Variants in SLC28A2 observed in about 807,000 individuals in gnomAD.
SLC28A2 encodes the protein solute carrier family 28 member 2.
SLC28A2 carries 69 observed loss-of-function variants against 72.9 expected under a neutral mutation model. The ratio of observed to expected loss-of-function variants is 0.95; its 90% CI spans 0.78 to 1.16. The LOEUF (loss-of-function observed/expected upper bound fraction) is 1.16. SLC28A2 is among the 50% of genes most tolerant of loss of function. The pLI, the probability that SLC28A2 is intolerant of heterozygous loss-of-function variation, is 0.00. For missense variants in SLC28A2, 745 were observed against 791.1 expected, an observed-to-expected ratio of 0.94 and a Z score of 0.70; for synonymous variants, 296 against 294.1, an observed-to-expected ratio of 1.01 and a Z score of -0.07.
chr15:45,269,363 C>G lies in SLC28A2; in HGVS notation c.1394C>G (p.Pro465Arg). Residue 465 changes from proline (P) to arginine (R), a missense_variant, in exon 14 of 18, where the codon CCC becomes CGC. Physicochemically the swap from Pro to Arg is moderately radical, Grantham distance 103. Coordinates refer to ENST00000347644, the MANE Select transcript of SLC28A2 (RefSeq NM_004212.4). ...GTCATCTGCTCCTATCTCCTAAGGC[C>G]CATGGTTTTCATGATGGGTGTAGAG... ...FQVICSYLLRPMVFMMGVEWT... is the reference protein window; with the variant it reads ...FQVICSYLLRRMVFMMGVEWT... The G allele has an allele frequency of 1.9e-6, 3 of 1,613,924 alleles. No individual in the cohort carries two copies. In the South Asian group the frequency reaches 3.3e-5, roughly 18 times the overall value.
chr15:45,275,464 T>C lies in SLC28A2; in HGVS notation c.1928T>C (p.Met643Thr), dbSNP rs1230058948. ...TGGGAAGATAAGGAGTTCAGTGCTA[T>C]GGCCCTTACTAACTGCTGTGGATTC... is the stretch of plus-strand genomic sequence containing the variant. ...GPWEDKEFSA[M>T]ALTNCCGFYN... Residue 643 changes from methionine to threonine, a missense_variant, in exon 18 of 18, where the codon ATG becomes ACG. Transcript: ENST00000347644. 2.5e-6 allele frequency: 4 copies of C among 1,613,430 alleles called. No individual in the cohort carries two copies. In the African/African-American group the frequency reaches 4.0e-5, roughly 16 times the overall value.
intron 3 of SLC28A2, among the ~76,000 whole-genome samples, chr15:45,256,976 C>G (rs1006510826): frequency 3.3e-5 from 5 of 152,198 alleles, no homozygotes; most frequent in Non-Finnish European, 7.3e-5. Context: ...TCCCCACAAC[C>G]AGGATCTGTA....
At chr15:45,260,454 T>A (rs1194795727) in intron 3 of SLC28A2, among the ~76,000 whole-genome samples, 1 of 152,160 alleles carries the variant, frequency 6.6e-6, no homozygotes, top group African/African-American at 2.4e-5. Flanking sequence ...CAAATGATGT[T>A]CCAAAGATAA....
intron 1 of SLC28A2, 130 bp downstream of exon 1, chr15:45,252,408 A>G (rs1163385658): frequency 5.0e-6 from 2 of 400,738 alleles, no homozygotes; most frequent in Middle Eastern, 4.3e-4. Context: ...TAAGTTGGTT[A>G]TGTGTGTTTA....
rs1310546140 is a variant in SLC28A2, at chr15:45,263,196, G to C, written c.398G>C (p.Arg133Thr). ...LKKLLGKKLT[R>T]CLKPFENSRL... ...AAGCTCCTGGGCAAAAAATTAACAA[G>C]ATGTCTGAAGCCCTTTGAAAACTCC... is the stretch of plus-strand genomic sequence containing the variant. Residue 133 changes from arginine (R) to threonine (T), a missense_variant, in exon 5 of 18, where the codon AGA becomes ACA. Physicochemically the swap from Arg to Thr is moderately conservative, Grantham distance 71. Transcript: ENST00000347644. 6.2e-7 allele frequency: 1 copy of C among 1,614,042 alleles called. No homozygotes were observed. The highest frequency in any genetic ancestry group is 8.5e-7 in the Non-Finnish European group (1 of 1,179,966).
At chr15:45,269,041 T>A (rs1429230752) in intron 13 of SLC28A2, among the ~76,000 whole-genome samples, 1 of 137,020 alleles carries the variant, frequency 7.3e-6, no homozygotes, top group African/African-American at 2.7e-5. Context: ...GGGGGAGGGA[T>A]GGCATTAGGA....
intron 9 of SLC28A2, 93 bp downstream of exon 9, chr15:45,265,756 T>G (rs1900313620): frequency 1.1e-6 from 1 of 887,044 alleles, no homozygotes; most frequent in Admixed American, 1.8e-5. Context: ...TCTAGAGTGT[T>G]AGAAACAATG....
At chr15:45,264,990 A>T in intron 7 of SLC28A2, 99 bp from the exon 8 acceptor site, 2 of 966,086 alleles carry the variant, frequency 2.1e-6, no homozygotes, top group Non-Finnish European at 3.3e-6. Flanking sequence ...CCTCAGTAGC[A>T]ACAGTAGGTC....
chr15:45,270,324 A>G, intron 15 of SLC28A2, 48 bp downstream of exon 15: 1 of 1,299,590 alleles, frequency 7.7e-7, no homozygotes, highest in South Asian at 1.2e-5. Flanking sequence ...GCCAGATCCC[A>G]GCTTCTGTAG....
chr15:45,265,885 G>A (rs11854365), intron 9 of SLC28A2, among the ~76,000 whole-genome samples, 196 bp from the exon 10 acceptor site: 72,166 of 151,958 alleles, frequency 0.47, 20,896 homozygotes, highest in Non-Finnish European at 0.67. Flanking sequence ...GAGTTTTAAT[G>A]TACTTGTTCT....
In SLC28A2 at chr15:45,263,898, C is replaced by T; in HGVS notation, c.464C>T (p.Ser155Phe). ...TTCTTCAGGGTGTTTGCAGGAGTCT[C>T]CTTGGTTGGCCTTATACTGTGGTTG... is the stretch of plus-strand genomic sequence containing the variant. The part of the protein sequence containing the change: ...LWTKWVFAGV[S>F]LVGLILWLAL... The change falls in exon 6 of 18, where the codon TCC (serine) becomes TTC (phenylalanine). Residue 155 changes from serine (S) to phenylalanine (F), a missense_variant. Transcript: ENST00000347644. The T allele has an allele frequency of 5.6e-6, 9 of 1,610,752 alleles. No individual in the cohort carries two copies. Among genetic ancestry groups the T allele is most frequent in the Non-Finnish European group, 6.8e-6 (8 of 1,178,474 alleles).
intron 10 of SLC28A2, among the ~76,000 whole-genome samples, chr15:45,266,945 T>G (rs1226633621): frequency 6.6e-6 from 1 of 152,220 alleles, no homozygotes; most frequent in Admixed American, 6.5e-5. Flanking sequence ...CTTAGGTCAG[T>G]GCTGGATATG....
At chr15:45,260,114 A>G (rs1900106239) in intron 3 of SLC28A2, among the ~76,000 whole-genome samples, 1 of 152,246 alleles carries the variant, frequency 6.6e-6, no homozygotes, top group Non-Finnish European at 1.5e-5. Flanking sequence ...GGATAATGCA[A>G]GAAGCAAAAG....
chr15:45,272,693 G>A lies in SLC28A2; in HGVS notation c.1768G>A (p.Gly590Arg), dbSNP rs754264672. The A allele has an allele frequency of 1.9e-6, 3 of 1,605,002 alleles. No individual in the cohort carries two copies. Among genetic ancestry groups the A allele is most frequent in the South Asian group, 1.1e-5 (1 of 90,882 alleles). The change falls in exon 17 of 18, where the codon GGA becomes AGA. Residue 590 changes from glycine (G) to arginine (R), a missense_variant. Coordinates refer to ENST00000347644, the MANE Select transcript of SLC28A2 (RefSeq NM_004212.4). ...CMAGILYVPR[G>R]AEADCVSFPN... ...TCCAGGAATCCTCTATGTCCCCAGG[G>A]GAGCTGAAGCTGACTGTGTCTCCTT...
chr15:45,270,705 T>G (rs1441745817), intron 15 of SLC28A2, among the ~76,000 whole-genome samples: 1 of 152,024 alleles, frequency 6.6e-6, no homozygotes, highest in Non-Finnish European at 1.5e-5. Flanking sequence ...TCAGCTCACT[T>G]AAACCTCCAC....
rs184763918 is a variant in SLC28A2 at position 45,267,671 on chromosome 15, T to C, written c.1074T>C (p.Asp358=). Residue 358 remains aspartate, a synonymous_variant, in exon 12 of 18, where the codon GAT becomes GAC. Coordinates refer to ENST00000347644, the MANE Select transcript of SLC28A2 (RefSeq NM_004212.4). Reference sequence around the variant, plus strand: ...CTAAGTCTGGCGCCTCACAGGTTGATGCATCATCCCTGATTTCTGCCTCTG... The same window carrying C: ...CTAAGTCTGGCGCCTCACAGGTTGACGCATCATCCCTGATTTCTGCCTCTG... ...VLGAFIAFGV[D]ASSLISASVM... is the part of the protein sequence containing the mutation. The C allele has an allele frequency of 3.1e-6, 5 of 1,614,104 alleles. 1 individual carries two copies. In the Admixed American group the frequency reaches 8.3e-5, roughly 27 times the overall value.
Position 45,269,495 on chromosome 15 carries a change from G to A in SLC28A2, c.1526G>A (p.Gly509Glu), listed in dbSNP as rs9635306. The A allele has an allele frequency of 1.2e-6, 2 of 1,614,116 alleles. No homozygotes were observed. Among genetic ancestry groups the A allele is most frequent in the East Asian group, 4.5e-5 (2 of 44,874 alleles). Residue 509 changes from glycine to glutamate, a missense_variant, in exon 14 of 18, where the codon GGA becomes GAA. By Grantham distance (98) the Gly-to-Glu change is moderately conservative. Coordinates refer to ENST00000347644, the MANE Select transcript of SLC28A2 (RefSeq NM_004212.4). ...CAATACAAGAACAAACGTCTCTCTGGAATGGAGGAGTGGATTGAGGGAGAG... is the reference window on the plus strand; with the variant it reads ...CAATACAAGAACAAACGTCTCTCTGAAATGGAGGAGTGGATTGAGGGAGAG... ...LSQYKNKRLS[G>E]MEEWIEGEKQ...
intron 3 of SLC28A2, among the ~76,000 whole-genome samples, chr15:45,257,959 C>G (rs1567056755): frequency 6.6e-6 from 1 of 152,140 alleles, no homozygotes; most frequent in Non-Finnish European, 1.5e-5. Flanking sequence ...CATGGTGGCT[C>G]ATGCCTGTAA....
At position 45,253,496 on chromosome 15, in the gene SLC28A2, G is replaced by T. The variant is rs766086472; in HGVS notation, c.146G>T (p.Gly49Val). 6.2e-7 allele frequency: 1 copy of T among 1,613,154 alleles called. No homozygotes were observed. The highest frequency in any genetic ancestry group is 8.5e-7 in the Non-Finnish European group (1 of 1,179,492). Residue 49 changes from glycine to valine, a missense_variant, in exon 3 of 18, where the codon GGA (glycine) becomes GTA (valine). Gly to Val is a moderately radical substitution (Grantham distance 109). Transcript: ENST00000347644. The part of the protein sequence containing the change: ...TDAQGHSLGD[G>V]LGPSTYQRRS... ...GCACAAGGACACAGCCTGGGGGATG[G>T]ACTGGGCCCTTCCACTTACCAGAGG... is the stretch of plus-strand genomic sequence containing the variant.
Sources: allele counts gnomAD v4.1 joint callset (sites outside exome capture counted in the v4.1 genomes callset), GRCh38; gene constraint gnomAD v4.1.1; transcripts MANE v1.5; gene names NCBI Gene and HGNC (gene_info 2026-07-23, HGNC 2026-07-21).